TRABD2A: variants seen among roughly 807,000 people sequenced by gnomAD.
TRABD2A encodes metalloprotease TIKI1.
In TRABD2A, 43 loss-of-function variants were observed where a neutral mutation model predicts 45.6. The ratio of observed to expected loss-of-function variants is 0.94; its 90% CI spans 0.74 to 1.22. TRABD2A has a LOEUF of 1.22. Ranked by LOEUF, TRABD2A falls within the 50% of genes most tolerant of loss-of-function variation. The pLI is 0.00. For missense variants in TRABD2A, 642 were observed against 652.4 expected (o/e 0.98, Z 0.17); for synonymous variants, 269 against 265.0 (o/e 1.02, Z -0.15).
intron 1 of TRABD2A, among the ~76,000 whole-genome samples, chr2:84,878,146 C>T (rs887425867): frequency 4.6e-5 from 7 of 152,076 alleles, no homozygotes; most frequent in South Asian, 4.1e-4. Flanking sequence ...CATTGAGAGA[C>T]GCTTGAGCCA....
intron 2 of TRABD2A, among the ~76,000 whole-genome samples, chr2:84,865,293 G>A (rs149409969): frequency 6.6e-6 from 1 of 152,244 alleles, no homozygotes; most frequent in Non-Finnish European, 1.5e-5. Flanking sequence ...CCATCCTCCT[G>A]GAAAGTACAA....
chr2:84,857,443 A>G (rs951967348), intron 2 of TRABD2A, among the ~76,000 whole-genome samples: 2 of 152,220 alleles, frequency 1.3e-5, no homozygotes, highest in African/African-American at 4.8e-5. Context: ...CCAAATCAAA[A>G]GCACAATAAA....
chr2:84,829,363 AACACACACACACAC>A (rs146287038), intron 5 of TRABD2A, among the ~76,000 whole-genome samples: 16 of 145,694 alleles, frequency 1.1e-4, no homozygotes, highest in Admixed American at 4.1e-4. Flanking sequence ...AACAACCAGC[AACACACACACACAC>A]ACACACACAC....
Position 84,841,968 on chromosome 2 carries a change from T to C in TRABD2A, c.709A>G (p.Ser237Gly), listed in dbSNP as rs1269902668. ...ATCTGAAGACTGCCTGCTCGCAGGC[T>C]TTCCTGCTGCAGGAGGGTCTGGTTC... ...ALNQTLLQQE[S>G]LRAGSLQIPY... Residue 237 changes from serine (S) to glycine (G), a missense_variant, in exon 3 of 7, where the codon AGC becomes GGC. By Grantham distance (56) the Ser-to-Gly change is moderately conservative. Transcript: ENST00000409520. The C allele has an allele frequency of 6.5e-7, 1 of 1,545,306 alleles. No individual in the cohort carries two copies. Among genetic ancestry groups the C allele is most frequent in the Non-Finnish European group, 8.7e-7 (1 of 1,144,574 alleles).
At chr2:84,868,854 T>C (rs904161567) in intron 2 of TRABD2A, among the ~76,000 whole-genome samples, 1 of 152,190 alleles carries the variant, frequency 6.6e-6, no homozygotes, top group African/African-American at 2.4e-5. Context: ...AGCCTTCAAA[T>C]CAAAGCACCT....
intron 6 of TRABD2A, among the ~76,000 whole-genome samples, chr2:84,822,597 G>T (rs536931079): frequency 1.1e-4 from 16 of 152,270 alleles, no homozygotes; most frequent in South Asian, 2.1e-4. Flanking sequence ...GGCTTACCCA[G>T]ATCTTTCAAC....
intron 4 of TRABD2A, 68 bp from the exon 5 acceptor site, chr2:84,832,213 C>A: frequency 6.6e-7 from 1 of 1,516,338 alleles, no homozygotes; most frequent in South Asian, 1.1e-5. Flanking sequence ...CCCAAACACA[C>A]ACCCTAGAAC....
intron 1 of TRABD2A, among the ~76,000 whole-genome samples, chr2:84,878,587 C>A (rs1683106678): frequency 6.6e-6 from 1 of 151,238 alleles, no homozygotes; most frequent in South Asian, 2.1e-4. Flanking sequence ...TTCTGTTTGA[C>A]AAGAAAGAGA....
chr2:84,835,101 C>A (rs1433624089), intron 4 of TRABD2A: 1 of 152,196 alleles, frequency 6.6e-6, no homozygotes, highest in Non-Finnish European at 1.5e-5. Flanking sequence ...ATGGTATCTT[C>A]ACTTTAGCAC....
At chr2:84,855,107 C>T (rs1682230651) in intron 2 of TRABD2A, among the ~76,000 whole-genome samples, 1 of 152,118 alleles carries the variant, frequency 6.6e-6, no homozygotes, top group Admixed American at 6.6e-5. Context: ...GAATCATCAG[C>T]TTTACATTCA....
chr2:84,829,533 CAT>C (rs1681255645), intron 5 of TRABD2A, among the ~76,000 whole-genome samples: 3 of 151,110 alleles, frequency 2.0e-5, no homozygotes, highest in Admixed American at 1.3e-4. Context: ...ACCCCACACA[CAT>C]ACACAATACA....
At chr2:84,874,549 G>A in intron 1 of TRABD2A, 1 of 153,566 alleles carries the variant, frequency 6.5e-6, no homozygotes, top group Non-Finnish European at 1.5e-5. Context: ...AGGAGGCCAA[G>A]ATGTAACTTT....
intron 2 of TRABD2A, among the ~76,000 whole-genome samples, chr2:84,860,518 G>A (rs1682462390): frequency 6.6e-6 from 1 of 152,172 alleles, no homozygotes; most frequent in East Asian, 1.9e-4. Flanking sequence ...GAATCATGAG[G>A]CCGACACTTT....
chr2:84,837,080 T>A (rs1397036561), intron 4 of TRABD2A: 3 of 150,308 alleles, frequency 2.0e-5, no homozygotes, highest in Admixed American at 2.0e-4. Flanking sequence ...TGCAACCTCT[T>A]CCTCCCAGTT....
intron 2 of TRABD2A, among the ~76,000 whole-genome samples, chr2:84,865,914 A>G (rs1682660038): frequency 6.6e-6 from 1 of 152,226 alleles, no homozygotes; most frequent in African/African-American, 2.4e-5. Context: ...CTTCCTTCAC[A>G]TAGGGAATGC....
intron 4 of TRABD2A, chr2:84,838,296 T>G (rs1001322873): frequency 4.2e-6 from 3 of 714,520 alleles, no homozygotes; most frequent in Middle Eastern, 2.3e-4. Flanking sequence ...AGCCCACTGC[T>G]TCTATCAAAA....
intron 4 of TRABD2A, chr2:84,833,598 C>T (rs1681408700): frequency 6.6e-6 from 1 of 152,060 alleles, no homozygotes; most frequent in African/African-American, 2.4e-5. Context: ...GTTTGCTAAC[C>T]ACACAGCTTT....
intron 3 of TRABD2A, among the ~76,000 whole-genome samples, chr2:84,841,059 T>C (rs1049677321): frequency 2.0e-5 from 3 of 152,128 alleles, no homozygotes; most frequent in African/African-American, 7.2e-5. Context: ...GTCTCCCCTC[T>C]CCAGTGTCTT....
intron 2 of TRABD2A, among the ~76,000 whole-genome samples, chr2:84,845,577 AG>A (rs1681869448): frequency 6.6e-6 from 1 of 151,950 alleles, no homozygotes; most frequent in African/African-American, 2.4e-5. Context: ...GGGCGGGGGA[AG>A]AAGGGTAGCA....
Sources: allele counts gnomAD v4.1 joint callset (sites outside exome capture counted in the v4.1 genomes callset), GRCh38; gene constraint gnomAD v4.1.1; transcripts MANE v1.5; gene names NCBI Gene and HGNC (gene_info 2026-07-23, HGNC 2026-07-21).